PDE4D: variants seen among roughly 807,000 people sequenced by gnomAD.
The protein encoded by PDE4D is phosphodiesterase 4D.
In PDE4D, 24 loss-of-function variants were observed where a neutral mutation model predicts 87.4. That is an observed-to-expected ratio of 0.27 (90% CI 0.20 to 0.39). PDE4D has a LOEUF of 0.39. Ranked by LOEUF, PDE4D falls within the 10% of genes least tolerant of loss-of-function variation. The probability of loss-of-function intolerance (pLI) is 1.00; values close to 1 mark genes in which losing one functional copy is unlikely to be tolerated. For missense variants in PDE4D, 714 were observed against 1,041.0 expected (o/e 0.69, Z 4.32); for synonymous variants, 384 against 383.2 (o/e 1.00, Z -0.02).
intron 1 of PDE4D, among the ~76,000 whole-genome samples, chr5:59,831,993 A>C (rs1360907456): frequency 6.6e-6 from 1 of 152,132 alleles, no homozygotes; most frequent in East Asian, 1.9e-4. Flanking sequence ...GCAGCCATTC[A>C]TATAGAAATA....
At chr5:60,229,244 A>G (rs1274712362) in intron 1 of PDE4D, among the ~76,000 whole-genome samples, 3 of 152,164 alleles carry the variant, frequency 2.0e-5, no homozygotes, top group Non-Finnish European at 4.4e-5. Context: ...TATTCACTTC[A>G]GAACTTTGGT....
chr5:60,327,874 T>C (rs1245396283), intron 1 of PDE4D, among the ~76,000 whole-genome samples: 1 of 152,120 alleles, frequency 6.6e-6, no homozygotes, highest in African/African-American at 2.4e-5. Flanking sequence ...ATTCAGTATA[T>C]GAAAATTCAT....
intron 1 of PDE4D, among the ~76,000 whole-genome samples, chr5:59,685,269 T>C (rs1450496910): frequency 6.6e-6 from 1 of 152,198 alleles, no homozygotes; most frequent in African/African-American, 2.4e-5. Context: ...AGTTTAATCA[T>C]CTTTCACAGC....
chr5:59,863,304 A>T (rs1324729695), intron 1 of PDE4D, among the ~76,000 whole-genome samples: 2 of 152,170 alleles, frequency 1.3e-5, no homozygotes, highest in Non-Finnish European at 2.9e-5. Context: ...CTTTTATCAA[A>T]ATCAGATACC....
chr5:59,427,034 C>T (rs1306885707), intron 1 of PDE4D, among the ~76,000 whole-genome samples: 5 of 104,804 alleles, frequency 4.8e-5, no homozygotes, highest in African/African-American at 1.4e-4. Context: ...CACACACACA[C>T]ACACACACAC....
chr5:59,803,676 C>T (rs535610500), intron 1 of PDE4D, among the ~76,000 whole-genome samples: 1 of 152,210 alleles, frequency 6.6e-6, no homozygotes, highest in East Asian at 1.9e-4. Flanking sequence ...AGTTTGAGAA[C>T]GAGTGCTCTA....
At chr5:59,699,889 T>C (rs1485236743) in intron 1 of PDE4D, among the ~76,000 whole-genome samples, 1 of 152,174 alleles carries the variant, frequency 6.6e-6, no homozygotes, top group African/African-American at 2.4e-5. Context: ...ACTAGTTAGA[T>C]CCAATTTAGA....
chr5:60,014,155 A>T lies in PDE4D; in HGVS notation c.43-25438T>A, dbSNP rs538620317. Among the ~76,000 whole-genome samples, 13 of 152,008 alleles carry T rather than the reference A, an allele frequency of 8.6e-5. 1 individual carries two copies. The highest frequency in any genetic ancestry group is 5.9e-4 in the Admixed American group (9 of 15,284). On this transcript the variant is annotated intron_variant, in intron 2 of 16. Transcript: ENST00000502484. ...ATCAGCCATACTATTAGGAAGCCCA[A>T]GATGATTCCACATAGAGGCCATATG...
intron 1 of PDE4D, among the ~76,000 whole-genome samples, chr5:59,415,623 C>A (rs773034587): frequency 2.4e-4 from 35 of 144,504 alleles, no homozygotes; most frequent in Non-Finnish European, 4.6e-4. Context: ...CTTATGAGAT[C>A]TAAATGTCCA....
intron 2 of PDE4D, among the ~76,000 whole-genome samples, chr5:60,117,382 T>G (rs1449520536): frequency 6.6e-6 from 1 of 151,932 alleles, no homozygotes; most frequent in Admixed American, 6.6e-5. Flanking sequence ...ATCAAACACA[T>G]TCCTGATAAA....
At chr5:60,485,482 T>C (rs540957107) in intron 1 of PDE4D, among the ~76,000 whole-genome samples, 96 of 152,190 alleles carry the variant, frequency 6.3e-4, no homozygotes, top group African/African-American at 2.3e-3. Context: ...CTTCAGTAGG[T>C]AGTGTTAATA....
chr5:59,401,882 A>G (rs2153614507), intron 1 of PDE4D, among the ~76,000 whole-genome samples: 1 of 152,310 alleles, frequency 6.6e-6, no homozygotes, highest in Admixed American at 6.5e-5. Context: ...GGCAGTCCTA[A>G]GCTGAATGAA....
At chr5:60,117,728 A>G (rs1404088530) in intron 2 of PDE4D, among the ~76,000 whole-genome samples, 2 of 151,956 alleles carry the variant, frequency 1.3e-5, no homozygotes, top group African/African-American at 2.4e-5. Context: ...CCATACATGA[A>G]GAGAAGACCT....
chr5:60,374,028 T>C (rs917480449), intron 1 of PDE4D, among the ~76,000 whole-genome samples: 1 of 152,162 alleles, frequency 6.6e-6, no homozygotes, highest in African/African-American at 2.4e-5. Flanking sequence ...AATATATTCA[T>C]GGGTTCCAGA....
intron 1 of PDE4D, among the ~76,000 whole-genome samples, chr5:59,532,381 G>C (rs7710055): frequency 1.3e-5 from 2 of 152,026 alleles, no homozygotes; most frequent in African/African-American, 2.4e-5. Context: ...CAGGGGATCT[G>C]CCTGCCTCAG....
chr5:60,121,551 T>A (rs1175144302), intron 2 of PDE4D, among the ~76,000 whole-genome samples: 1 of 152,064 alleles, frequency 6.6e-6, no homozygotes, highest in Non-Finnish European at 1.5e-5. Flanking sequence ...AAACCCCTGA[T>A]AAAACCATCA....
intron 2 of PDE4D, among the ~76,000 whole-genome samples, chr5:59,204,313 T>A (rs1195223924): frequency 6.6e-6 from 1 of 152,002 alleles, no homozygotes; most frequent in African/African-American, 2.4e-5. Flanking sequence ...TTACGCAACA[T>A]AAGCAAAAAA....
At chr5:59,596,612 G>A (rs904959930) in intron 1 of PDE4D, among the ~76,000 whole-genome samples, 4 of 151,860 alleles carry the variant, frequency 2.6e-5, no homozygotes, top group African/African-American at 9.7e-5. Flanking sequence ...ACTTTGTTAA[G>A]TATTTTATTA....
chr5:59,346,809 C>A (rs574981053), intron 1 of PDE4D, among the ~76,000 whole-genome samples: 1 of 152,212 alleles, frequency 6.6e-6, no homozygotes, highest in South Asian at 2.1e-4. Context: ...AACTTTATAC[C>A]AAGAAACTGA....
Sources: allele counts gnomAD v4.1 joint callset (sites outside exome capture counted in the v4.1 genomes callset), GRCh38; gene constraint gnomAD v4.1.1; transcripts MANE v1.5; gene names NCBI Gene and HGNC (gene_info 2026-07-23, HGNC 2026-07-21).